HEPHL1: variants seen among roughly 807,000 people sequenced by gnomAD.
HEPHL1 encodes the protein ferroxidase HEPHL1.
In HEPHL1, 123 loss-of-function variants were observed where a neutral mutation model predicts 122.0. The ratio of observed to expected loss-of-function variants is 1.01; its 90% CI spans 0.87 to 1.17. HEPHL1 has a LOEUF of 1.17. Among genes scored for constraint, HEPHL1 ranks in the 50% most tolerant of loss-of-function variants. The pLI is 0.00. For synonymous variants in HEPHL1, 527 were observed against 508.9 expected (o/e 1.04, Z -0.48); for missense variants, 1,452 against 1,430.5 (o/e 1.01, Z -0.24).
chr11:94,049,538 G>C (rs1022277986), intron 2 of HEPHL1, among the ~76,000 whole-genome samples: 1 of 150,656 alleles, frequency 6.6e-6, no homozygotes, highest in Non-Finnish European at 1.5e-5. Flanking sequence ...GCACCCACCA[G>C]GTGCCAGACA....
In HEPHL1 at chr11:94,053,947, A is replaced by G. The variant is rs138747162; in HGVS notation, c.415+8030A>G. 1.9e-3 allele frequency among the ~76,000 whole-genome samples: 284 copies of G among 152,348 alleles called. 2 individuals are homozygous for G. In the East Asian group the frequency reaches 0.02, roughly 11 times the overall value. ...CTACAGTTATTGGGTGCAATGTTCC[A>G]GAGACATCATTTAGGTATAATTGGT... On this transcript the variant is annotated intron_variant, in intron 2 of 19. Transcript: ENST00000315765.
At chr11:94,046,002 C>G in intron 2 of HEPHL1, 85 bp downstream of exon 2, 1 of 1,059,862 alleles carries the variant, frequency 9.4e-7, no homozygotes, top group Non-Finnish European at 1.3e-6. Flanking sequence ...TTTAGGAGCA[C>G]ATTGATTACA....
chr11:94,073,095 G>C lies in HEPHL1; in HGVS notation c.1303G>C (p.Glu435Gln), dbSNP rs369312940. Residue 435 changes from glutamate to glutamine, a missense_variant, in exon 7 of 20, where the codon GAA becomes CAA. By Grantham distance (29) the Glu-to-Gln change is conservative. Coordinates refer to ENST00000315765, the MANE Select transcript of HEPHL1 (RefSeq NM_001098672.2). ...AAAATACTGGAAGGTTCGGTATACTGAATTTGTTGATGCAACTTTTACTAA... is the reference window on the plus strand; with the variant it reads ...AAAATACTGGAAGGTTCGGTATACTCAATTTGTTGATGCAACTTTTACTAA... ...GGKYWKVRYT[E>Q]FVDATFTKRK... The C allele has an allele frequency of 1.0e-4, 161 of 1,613,028 alleles. No individual in the cohort carries two copies. The highest frequency in any genetic ancestry group is 1.3e-4 in the Non-Finnish European group (159 of 1,179,446).
intron 1 of HEPHL1, among the ~76,000 whole-genome samples, chr11:94,031,176 C>T (rs1175707404): frequency 6.6e-6 from 1 of 152,064 alleles, no homozygotes; most frequent in East Asian, 1.9e-4. Context: ...AACCGCCCCT[C>T]CCCCTACAAC....
At chr11:94,026,822 G>A (rs577233157) in intron 1 of HEPHL1, among the ~76,000 whole-genome samples, 6 of 152,316 alleles carry the variant, frequency 3.9e-5, no homozygotes, top group African/African-American at 1.4e-4. Context: ...GTCACATTTA[G>A]AATTCTTGCC....
chr11:94,087,504 T>C (rs763169058), intron 11 of HEPHL1, among the ~76,000 whole-genome samples: 5 of 152,064 alleles, frequency 3.3e-5, no homozygotes, highest in African/African-American at 4.8e-5. Context: ...TGCTCAAGAG[T>C]GGGTAGAGTA....
At chr11:94,058,313 T>A (rs1473220262) in intron 2 of HEPHL1, among the ~76,000 whole-genome samples, 1 of 152,212 alleles carries the variant, frequency 6.6e-6, no homozygotes, top group Admixed American at 6.5e-5. Flanking sequence ...TGTCTAACTT[T>A]ATAGTTGCTT....
rs374559805 is a variant in HEPHL1 at position 94,086,984 on chromosome 11, A to T, written c.2080+795A>T. 4.6e-5 allele frequency among the ~76,000 whole-genome samples: 7 copies of T among 152,302 alleles called. No homozygotes were observed. The East Asian group carries it at 9.7e-4, about 21-fold the overall frequency. Reference sequence around the variant, plus strand: ...CTTGCTGTTTACTAATGGATGTTCTACTTCTTTGCTTTCCACTGGAACTGC... The same window carrying T: ...CTTGCTGTTTACTAATGGATGTTCTTCTTCTTTGCTTTCCACTGGAACTGC... On this transcript the variant is annotated intron_variant, in intron 11 of 19. Coordinates refer to ENST00000315765, the MANE Select transcript of HEPHL1 (RefSeq NM_001098672.2).
At chr11:94,088,682 G>A in intron 11 of HEPHL1, 73 bp from the exon 12 acceptor site, 2 of 1,151,062 alleles carry the variant, frequency 1.7e-6, no homozygotes, top group Admixed American at 4.6e-5. Context: ...AAATATGCAG[G>A]TTTGCTAAAA....
chr11:94,058,902 A>G (rs1356390616), intron 2 of HEPHL1, among the ~76,000 whole-genome samples: 1 of 152,090 alleles, frequency 6.6e-6, no homozygotes, highest in Non-Finnish European at 1.5e-5. Context: ...AGTATAAAGA[A>G]GAGGAAAATT....
At chr11:94,094,156 A>G (rs1418893541) in intron 13 of HEPHL1, among the ~76,000 whole-genome samples, 14 of 150,750 alleles carry the variant, frequency 9.3e-5, no homozygotes, top group Admixed American at 8.6e-4. Flanking sequence ...CCCTGCCCCT[A>G]CCCCACGACA....
intron 9 of HEPHL1, among the ~76,000 whole-genome samples, chr11:94,079,974 G>GC (rs1301320974): frequency 3.3e-5 from 5 of 152,058 alleles, no homozygotes; most frequent in Non-Finnish European, 5.9e-5. Flanking sequence ...CCAAAAAGGA[G>GC]CCCATATAGC....
chr11:94,097,238 C>G (rs975794899), intron 13 of HEPHL1, among the ~76,000 whole-genome samples: 7 of 152,164 alleles, frequency 4.6e-5, no homozygotes, highest in Non-Finnish European at 7.3e-5. Flanking sequence ...TCATTGGTTT[C>G]AAAGAACATC....
chr11:94,067,465 G>A (rs1454529141), intron 4 of HEPHL1, 31 bp from the exon 5 acceptor site: 1 of 1,606,350 alleles, frequency 6.2e-7, no homozygotes, highest in Non-Finnish European at 8.5e-7. Flanking sequence ...CTGCAGGGGA[G>A]TCTCTTCCAC....
chr11:94,097,203 A>G (rs1026199124), intron 13 of HEPHL1, among the ~76,000 whole-genome samples: 16 of 152,218 alleles, frequency 1.1e-4, no homozygotes, highest in Admixed American at 3.3e-4. Flanking sequence ...TGTCCCAGAG[A>G]TTCTGGTATG....
At position 94,066,367 on chromosome 11, in the gene HEPHL1, C is replaced by T. The variant is rs1010146858; in HGVS notation, c.809-1129C>T. Among the ~76,000 whole-genome samples, 3 of 152,156 alleles carry T rather than the reference C, an allele frequency of 2.0e-5. 1 individual carries two copies. Among genetic ancestry groups the T allele is most frequent in the Non-Finnish European group, 4.4e-5 (3 of 68,018 alleles). ...GCCAGGAGTTCAAGACCAGCCTGGC[C>T]AACATGGCAAAACCTGTCTCTACTA... On this transcript the variant is annotated intron_variant, in intron 4 of 19. Transcript: ENST00000315765.
chr11:94,026,686 G>T (rs902661548), intron 1 of HEPHL1, among the ~76,000 whole-genome samples: 1 of 152,218 alleles, frequency 6.6e-6, no homozygotes, highest in Non-Finnish European at 1.5e-5. Context: ...CCAATCTTCT[G>T]TCTCTGGGAG....
At chr11:94,096,699 C>T (rs1260153671) in intron 13 of HEPHL1, among the ~76,000 whole-genome samples, 8 of 152,092 alleles carry the variant, frequency 5.3e-5, no homozygotes, top group South Asian at 2.1e-4. Context: ...TTTCAGAACA[C>T]GTTATTGGTC....
At chr11:94,077,329 G>A (rs555990701) in intron 9 of HEPHL1, among the ~76,000 whole-genome samples, 1 of 152,178 alleles carries the variant, frequency 6.6e-6, no homozygotes, top group Admixed American at 6.5e-5. Flanking sequence ...CTAGGATCAT[G>A]CATTGCATTG....
Sources: allele counts gnomAD v4.1 joint callset (sites outside exome capture counted in the v4.1 genomes callset), GRCh38; gene constraint gnomAD v4.1.1; transcripts MANE v1.5; gene names NCBI Gene and HGNC (gene_info 2026-07-23, HGNC 2026-07-21).